The following TXNDC16 variants were observed in gnomAD, a reference collection of about 807,000 sequenced individuals.
TXNDC16 encodes thioredoxin domain containing 16.
TXNDC16 carries 74 observed loss-of-function variants against 85.6 expected under a neutral mutation model. That is an observed-to-expected ratio of 0.86 (90% CI 0.72 to 1.05). The LOEUF is 1.05. TXNDC16 is among the 50% of genes least tolerant of loss of function. The pLI is 0.00. For synonymous variants in TXNDC16, 335 were observed against 326.5 expected (o/e 1.03, Z -0.28); for missense variants, 959 against 947.0 (o/e 1.01, Z -0.17).
intron 1 of TXNDC16, among the ~76,000 whole-genome samples, chr14:52,549,164 C>T (rs988957535): frequency 2.0e-5 from 3 of 152,324 alleles, no homozygotes; most frequent in South Asian, 4.1e-4. Flanking sequence ...CTTTGGGCTG[C>T]GAGAGGCCCT....
At chr14:52,531,620 A>G (rs2037582674) in intron 6 of TXNDC16, among the ~76,000 whole-genome samples, 1 of 152,140 alleles carries the variant, frequency 6.6e-6, no homozygotes, top group South Asian at 2.1e-4. Context: ...CAAAACTACA[A>G]AGATAGTAAA....
chr14:52,551,285 A>G lies in TXNDC16; in HGVS notation c.-182+1031T>C, dbSNP rs575167760. On this transcript the variant is annotated intron_variant, in intron 1 of 20. Coordinates refer to ENST00000281741, the MANE Select transcript of TXNDC16 (RefSeq NM_020784.3). Reference sequence around the variant, plus strand: ...AAGCATATGACAAAGGCCAGCCTGGACAATATAGTGAAACCTCGTCTCTAC... The same window carrying G: ...AAGCATATGACAAAGGCCAGCCTGGGCAATATAGTGAAACCTCGTCTCTAC... Among the ~76,000 whole-genome samples, 47 of 151,302 alleles carry G rather than the reference A, an allele frequency of 3.1e-4. No individual in the cohort carries two copies. In the East Asian group the frequency reaches 9.1e-3, roughly 29 times the overall value.
At position 52,535,399 on chromosome 14, in the gene TXNDC16, A is replaced by T. The variant is rs2037676840; in HGVS notation, c.392+1320T>A. Among the ~76,000 whole-genome samples, 3 of 152,246 alleles carry T rather than the reference A, an allele frequency of 2.0e-5. No individual in the cohort carries two copies. The South Asian group carries it at 6.2e-4, about 32-fold the overall frequency. On this transcript the variant is annotated intron_variant, in intron 6 of 20. Transcript: ENST00000281741. ...GAATTTCTAAAGGCCTTTTGTTAAC[A>T]TATTATTGGGACTGGAACATTTGTA...
chr14:52,524,003 G>C (rs1016460804), intron 6 of TXNDC16, among the ~76,000 whole-genome samples: 2 of 152,176 alleles, frequency 1.3e-5, no homozygotes, highest in Non-Finnish European at 2.9e-5. Context: ...TCCAAGAAAA[G>C]CAATTTTTTC....
At chr14:52,441,377 C>T (rs930475200) in intron 18 of TXNDC16, among the ~76,000 whole-genome samples, 4 of 151,866 alleles carry the variant, frequency 2.6e-5, no homozygotes, top group African/African-American at 7.3e-5. Flanking sequence ...GGGAGGCCGA[C>T]GCAGGCAGAT....
At chr14:52,456,921 G>T (rs938969497) in intron 17 of TXNDC16, among the ~76,000 whole-genome samples, 169 bp downstream of exon 17, 2 of 151,914 alleles carry the variant, frequency 1.3e-5, no homozygotes, top group African/African-American at 4.8e-5. Context: ...AATAGCTAAA[G>T]AATCTAAAGT....
intron 4 of TXNDC16, among the ~76,000 whole-genome samples, chr14:52,540,752 CT>C (rs1481823147): frequency 6.6e-6 from 1 of 152,132 alleles, no homozygotes; most frequent in Admixed American, 6.5e-5. Flanking sequence ...GATATAAACT[CT>C]CCAAAGAAAA....
intron 6 of TXNDC16, among the ~76,000 whole-genome samples, chr14:52,522,447 T>G (rs2037231834): frequency 6.6e-6 from 1 of 152,206 alleles, no homozygotes; most frequent in Admixed American, 6.5e-5. Flanking sequence ...CCAGGCTCCT[T>G]GCTACAAGGC....
Position 52,490,377 on chromosome 14 carries a change from A to G in TXNDC16, c.984+14T>C. 1.9e-6 allele frequency: 3 copies of G among 1,574,438 alleles called. No homozygotes were observed. The highest frequency in any genetic ancestry group is 2.6e-6 in the Non-Finnish European group (3 of 1,161,992). ...ATAAACAGATATTGTAGAACAATAC[A>G]TAAAACAACTAACCTCTTCTGCTCT... is the stretch of plus-strand genomic sequence containing the variant. On this transcript the variant is annotated intron_variant, in intron 11 of 20. Coordinates refer to ENST00000281741, the MANE Select transcript of TXNDC16 (RefSeq NM_020784.3).
At chr14:52,499,190 TA>T (rs1185295108) in intron 9 of TXNDC16, among the ~76,000 whole-genome samples, 1 of 152,100 alleles carries the variant, frequency 6.6e-6, no homozygotes, top group Non-Finnish European at 1.5e-5. Flanking sequence ...ATTAAATACC[TA>T]AACATAAGAC....
chr14:52,527,309 T>C (rs182164942), intron 6 of TXNDC16, among the ~76,000 whole-genome samples: 19 of 152,338 alleles, frequency 1.2e-4, no homozygotes, highest in Admixed American at 1.2e-3. Flanking sequence ...AGGTAGGTAC[T>C]GTCAGAATTG....
chr14:52,509,336 G>A (rs1049430762), intron 9 of TXNDC16, among the ~76,000 whole-genome samples: 3 of 152,028 alleles, frequency 2.0e-5, no homozygotes, highest in African/African-American at 4.8e-5. Flanking sequence ...TCAACTATTC[G>A]AAGAGAAGGA....
At chr14:52,441,991 G>A (rs1184919333) in intron 18 of TXNDC16, among the ~76,000 whole-genome samples, 1 of 152,084 alleles carries the variant, frequency 6.6e-6, no homozygotes, top group African/African-American at 2.4e-5. Flanking sequence ...CTGGATTCAT[G>A]GAATTGTCAC....
chr14:52,447,383 A>C (rs983914628), intron 18 of TXNDC16, among the ~76,000 whole-genome samples: 1 of 152,120 alleles, frequency 6.6e-6, no homozygotes, highest in African/African-American at 2.4e-5. Flanking sequence ...TGGCTTAGCC[A>C]CCTCTGATTT....
At chr14:52,479,710 T>C (rs1445753176) in intron 14 of TXNDC16, among the ~76,000 whole-genome samples, 2 of 152,144 alleles carry the variant, frequency 1.3e-5, no homozygotes, top group Non-Finnish European at 2.9e-5. Flanking sequence ...TGTTCATGGA[T>C]GGGTAGAATC....
intron 19 of TXNDC16, 45 bp from the exon 20 acceptor site, chr14:52,439,439 CA>C: frequency 1.3e-6 from 2 of 1,508,744 alleles, no homozygotes; most frequent in Non-Finnish European, 1.8e-6. Flanking sequence ...CTTTCTACAA[CA>C]AAATAATGAA....
intron 20 of TXNDC16, among the ~76,000 whole-genome samples, chr14:52,438,289 T>C (rs1450496417): frequency 6.6e-6 from 1 of 152,218 alleles, no homozygotes; most frequent in African/African-American, 2.4e-5. Flanking sequence ...AACAGCATCA[T>C]ATACTACAGA....
intron 6 of TXNDC16, among the ~76,000 whole-genome samples, chr14:52,533,959 G>A (rs924896708): frequency 6.6e-6 from 1 of 152,162 alleles, no homozygotes. Flanking sequence ...ATTAGGAGAG[G>A]AATAGGCCTA....
At chr14:52,551,067 T>C (rs2038033281) in intron 1 of TXNDC16, among the ~76,000 whole-genome samples, 1 of 152,132 alleles carries the variant, frequency 6.6e-6, no homozygotes, top group African/African-American at 2.4e-5. Context: ...GAACGTTTCA[T>C]CTGAGGGATG....
Sources: gnomAD v4.1 joint callset for allele counts (sites outside exome capture counted in the v4.1 genomes callset) on GRCh38, gnomAD v4.1.1 for gene constraint, MANE v1.5 for transcripts, NCBI Gene and HGNC (gene_info 2026-07-23, HGNC 2026-07-21) for gene names.